The following STK4 variants were observed in gnomAD, a reference collection of about 807,000 sequenced individuals.
STK4 encodes serine/threonine kinase 4.
Under a neutral mutation model 64.9 loss-of-function variants are expected in STK4, and 30 were observed. The ratio of observed to expected loss-of-function variants is 0.46; its 90% confidence interval spans 0.35 to 0.63. The LOEUF (loss-of-function observed/expected upper bound fraction) is 0.63, where lower values mean the gene tolerates loss of function less well. STK4 is among the 20% of genes least tolerant of loss of function. The pLI is 0.01. For missense variants in STK4, 466 were observed against 598.5 expected (o/e 0.78, Z 2.31); for synonymous variants, 177 against 199.0 (o/e 0.89, Z 0.93).
chr20:45,011,059 A>G (rs919519160), intron 9 of STK4, among the ~76,000 whole-genome samples: 5 of 152,218 alleles, frequency 3.3e-5, no homozygotes, highest in African/African-American at 1.2e-4. Context: ...CGTTACTTGG[A>G]AAACCTCTGT....
At chr20:45,065,167 G>A (rs1024271790) in intron 10 of STK4, among the ~76,000 whole-genome samples, 23 of 151,440 alleles carry the variant, frequency 1.5e-4, no homozygotes, top group African/African-American at 5.6e-4. Context: ...ATGAAGGGAT[G>A]TTGAATTGCA....
chr20:45,060,176 G>A (rs1978864913), intron 10 of STK4, among the ~76,000 whole-genome samples: 9 of 152,086 alleles, frequency 5.9e-5, no homozygotes, highest in Admixed American at 5.9e-4. Context: ...AGGTTGAATG[G>A]GCAGCCCCCT....
chr20:45,033,608 G>T (rs2068480717), intron 10 of STK4, among the ~76,000 whole-genome samples: 1 of 152,034 alleles, frequency 6.6e-6, no homozygotes, highest in African/African-American at 2.4e-5. Flanking sequence ...ACAGAGTCTT[G>T]CTCTGTTGCC....
At chr20:45,035,310 G>T (rs1336437867) in intron 10 of STK4, among the ~76,000 whole-genome samples, 1 of 152,024 alleles carries the variant, frequency 6.6e-6, no homozygotes, top group East Asian at 1.9e-4. Context: ...TAACTTAAAA[G>T]AAATAAATAG....
chr20:45,003,721 T>TC (rs2067882809), intron 9 of STK4, among the ~76,000 whole-genome samples: 1 of 150,700 alleles, frequency 6.6e-6, no homozygotes, highest in African/African-American at 2.4e-5. Context: ...AATTTTTTTT[T>TC]TTTTTTTTTT....
At chr20:45,018,278 G>T (rs141318921) in intron 9 of STK4, among the ~76,000 whole-genome samples, 1 of 152,160 alleles carries the variant, frequency 6.6e-6, no homozygotes, top group African/African-American at 2.4e-5. Flanking sequence ...ATCAGGCTCT[G>T]CCCAGTTCTC....
At chr20:45,049,051 C>T (rs1050470502) in intron 10 of STK4, among the ~76,000 whole-genome samples, 1 of 151,648 alleles carries the variant, frequency 6.6e-6, no homozygotes, top group Non-Finnish European at 1.5e-5. Context: ...TAAAATAGCT[C>T]AAGTAAATGT....
At chr20:45,011,407 G>A (rs879138029) in intron 9 of STK4, among the ~76,000 whole-genome samples, 1 of 151,938 alleles carries the variant, frequency 6.6e-6, no homozygotes, top group Admixed American at 6.6e-5. Flanking sequence ...TTAAGTAACC[G>A]CAGTGACACT....
chr20:44,977,755 G>A lies in STK4; in HGVS notation c.117-688G>A, dbSNP rs111275482. ...TTTTGATATTAAGCTGTTAAGGGAA[G>A]ATGGAGTAGGAAGCAAAGAGTGTGT... On this transcript the variant is annotated intron_variant, in intron 2 of 10. Coordinates refer to ENST00000372806, the MANE Select transcript of STK4 (RefSeq NM_006282.5). Among the ~76,000 whole-genome samples, 303 of 152,324 alleles carry A rather than the reference G, an allele frequency of 2.0e-3. 1 individual carries two copies. The highest frequency in any genetic ancestry group is 7.0e-3 in the African/African-American group (290 of 41,582).
At position 45,059,775 on chromosome 20, in the gene STK4, A is replaced by G. The variant is rs4141962; in HGVS notation, c.1306-15243A>G. The stretch of plus-strand genomic sequence containing the variant: ...CAATCATAAGCAACCAGGACTAGAG[A>G]ATTTTTTTCATTTTTTTCCTTGTAA... On this transcript the variant is annotated intron_variant, in intron 10 of 10. Transcript: ENST00000372806. 7.9e-5 allele frequency among the ~76,000 whole-genome samples: 12 copies of G among 152,236 alleles called. No homozygotes were observed. The East Asian group carries it at 2.3e-3, about 29-fold the overall frequency.
chr20:44,982,153 C>T (rs558547779), intron 4 of STK4, among the ~76,000 whole-genome samples: 1 of 150,306 alleles, frequency 6.7e-6, no homozygotes, highest in Non-Finnish European at 1.5e-5. Flanking sequence ...CCCCTGTCAC[C>T]CAGGCTGGAG....
At chr20:45,030,192 T>C (rs6031940) in intron 10 of STK4, among the ~76,000 whole-genome samples, 78,879 of 150,876 alleles carry the variant, frequency 0.52, 21,710 homozygotes, top group African/African-American at 0.68. Flanking sequence ...CTGCAACCTC[T>C]GCCGCCCGGG....
chr20:44,972,798 A>G (rs962278704), intron 2 of STK4: 1 of 152,064 alleles, frequency 6.6e-6, no homozygotes, highest in African/African-American at 2.4e-5. Context: ...AATGACCAGG[A>G]AATTAAAATG....
intron 3 of STK4, among the ~76,000 whole-genome samples, chr20:44,979,452 G>C (rs189865867): frequency 1.3e-5 from 2 of 152,288 alleles, no homozygotes; most frequent in East Asian, 3.9e-4. Flanking sequence ...AGAAAACCAC[G>C]TGGTTTGCTC....
At chr20:44,982,921 A>G (rs2067467355) in intron 4 of STK4, among the ~76,000 whole-genome samples, 1 of 150,562 alleles carries the variant, frequency 6.6e-6, no homozygotes, top group South Asian at 2.1e-4. Context: ...ATGAGGATGA[A>G]GTGATGGTAA....
intron 2 of STK4, chr20:44,974,756 A>G: frequency 6.6e-6 from 1 of 152,276 alleles, no homozygotes; most frequent in Non-Finnish European, 1.5e-5. Flanking sequence ...GATGTGAGCC[A>G]CCACGCCTGG....
chr20:45,026,923 G>C (rs2068358569), intron 10 of STK4, among the ~76,000 whole-genome samples: 1 of 152,090 alleles, frequency 6.6e-6, no homozygotes, highest in Non-Finnish European at 1.5e-5. Context: ...GTAGACTTAC[G>C]AAATTTGAAT....
intron 10 of STK4, among the ~76,000 whole-genome samples, chr20:45,060,448 C>T (rs879837063): frequency 1.6e-4 from 24 of 151,708 alleles, no homozygotes; most frequent in African/African-American, 2.2e-4. Context: ...AAATGTGTGA[C>T]GAGATAAAGT....
At chr20:45,003,900 G>A (rs1019573445) in intron 9 of STK4, among the ~76,000 whole-genome samples, 5 of 151,576 alleles carry the variant, frequency 3.3e-5, no homozygotes, top group African/African-American at 1.2e-4. Flanking sequence ...TGTATTTTTA[G>A]TAGAGATGGG....
Sources: allele counts gnomAD v4.1 joint callset (sites outside exome capture counted in the v4.1 genomes callset), GRCh38; gene constraint gnomAD v4.1.1; transcripts MANE v1.5; gene names NCBI Gene and HGNC (gene_info 2026-07-23, HGNC 2026-07-21).